The following ADAMTS17 variants were observed in gnomAD, a reference collection of about 807,000 sequenced individuals.
ADAMTS17 encodes the protein A disintegrin and metalloproteinase with thrombospondin motifs 17.
A neutral mutation model predicts 141.5 loss-of-function variants in ADAMTS17; 113 were observed. The observed-to-expected ratio is 0.80, with a 90% CI of 0.69 to 0.93. The LOEUF (loss-of-function observed/expected upper bound fraction) is 0.93. Ranked by LOEUF, ADAMTS17 falls within the 40% of genes least tolerant of loss-of-function variation. ADAMTS17 has a pLI of 0.00. For missense variants in ADAMTS17, 1,659 were observed against 1,517.9 expected, an observed-to-expected ratio of 1.09 and a Z score of -1.54; for synonymous variants, 768 against 630.6, an observed-to-expected ratio of 1.22 and a Z score of -3.27.
At chr15:100,222,710 G>A (rs7181677) in intron 7 of ADAMTS17, among the ~76,000 whole-genome samples, 2,702 of 152,320 alleles carry the variant, frequency 0.018, 91 homozygotes, top group African/African-American at 0.062. Context: ...TGCCTGGACA[G>A]AGGCCAAAAT....
At chr15:100,160,024 C>G (rs1450059618) in intron 8 of ADAMTS17, among the ~76,000 whole-genome samples, 1 of 151,132 alleles carries the variant, frequency 6.6e-6, no homozygotes, top group Admixed American at 6.6e-5. Context: ...CCTCAAATAC[C>G]CCACTCAGAA....
chr15:100,053,802 C>T, intron 16 of ADAMTS17, 95 bp downstream of exon 16: 4 of 1,591,110 alleles, frequency 2.5e-6, no homozygotes, highest in Non-Finnish European at 3.4e-6. Flanking sequence ...CATTTCCTGC[C>T]CCCGAGGTCC....
At position 100,247,497 on chromosome 15, in the gene ADAMTS17, C is replaced by T. The variant is rs368197388; in HGVS notation, c.1075+6639G>A. ...TGGCTCACTTGTGACGGAAATTCCC[C>T]AGAGGGCTCTACACACCAACCAGTG... On this transcript the variant is annotated intron_variant, in intron 7 of 21. Transcript: ENST00000268070. 6.6e-5 allele frequency among the ~76,000 whole-genome samples: 10 copies of T among 152,310 alleles called. No homozygotes were observed. The South Asian group carries it at 2.1e-3, about 32-fold the overall frequency.
chr15:100,326,227 TAAAG>T (rs940242426), intron 3 of ADAMTS17, among the ~76,000 whole-genome samples: 1 of 152,200 alleles, frequency 6.6e-6, no homozygotes, highest in Non-Finnish European at 1.5e-5. Context: ...AATATTAACT[TAAAG>T]AAACTCAAAG....
chr15:100,062,747 C>T (rs1476295493), intron 15 of ADAMTS17, among the ~76,000 whole-genome samples: 1 of 152,198 alleles, frequency 6.6e-6, no homozygotes, highest in Non-Finnish European at 1.5e-5. Flanking sequence ...TCAATCAGCA[C>T]TTTGCAACAC....
Position 100,113,851 on chromosome 15 carries a change from G to A in ADAMTS17, c.1888+2996C>T, listed in dbSNP as rs757552188. Among the ~76,000 whole-genome samples the A allele has an allele frequency of 4.6e-5, 7 of 152,332 alleles. No homozygotes were observed. The East Asian group carries it at 5.8e-4, about 13-fold the overall frequency. The stretch of plus-strand genomic sequence containing the variant: ...GGTTCTGCCGTGCCAGGCAGGAGGC[G>A]CTGGGAACGCACAGCCACGTCCAGA... On this transcript the variant is annotated intron_variant, in intron 13 of 21. Transcript: ENST00000268070.
intron 17 of ADAMTS17, among the ~76,000 whole-genome samples, chr15:100,051,142 T>C (rs921165400): frequency 3.9e-5 from 6 of 152,196 alleles, no homozygotes; most frequent in Admixed American, 3.3e-4. Context: ...TGCAGGACTT[T>C]TTCTTTCCAT....
intron 7 of ADAMTS17, among the ~76,000 whole-genome samples, chr15:100,232,911 C>A (rs2042532140): frequency 6.6e-6 from 1 of 152,182 alleles, no homozygotes; most frequent in African/African-American, 2.4e-5. Flanking sequence ...AGGAGGGACG[C>A]CGTGAATCTC....
At chr15:99,976,406 C>A in intron 20 of ADAMTS17, 184 bp from the exon 21 acceptor site, 1 of 789,610 alleles carries the variant, frequency 1.3e-6, no homozygotes, top group East Asian at 2.7e-5. Context: ...GGGGCCTACA[C>A]GAGGTCAGGG....
intron 8 of ADAMTS17, among the ~76,000 whole-genome samples, chr15:100,171,022 T>G (rs1380346832): frequency 6.6e-6 from 1 of 152,050 alleles, no homozygotes; most frequent in Non-Finnish European, 1.5e-5. Flanking sequence ...CTGCCCCCCT[T>G]AGGGGCAGCC....
At chr15:100,312,092 G>A (rs1025783099) in intron 3 of ADAMTS17, among the ~76,000 whole-genome samples, 2 of 152,188 alleles carry the variant, frequency 1.3e-5, no homozygotes, top group Non-Finnish European at 2.9e-5. Flanking sequence ...ACACCCCAAG[G>A]ATGTCCACAT....
chr15:100,220,071 T>C (rs2042085796), intron 7 of ADAMTS17, among the ~76,000 whole-genome samples: 1 of 152,154 alleles, frequency 6.6e-6, no homozygotes, highest in Non-Finnish European at 1.5e-5. Flanking sequence ...CATGGTACCT[T>C]CTGATGCATG....
intron 7 of ADAMTS17, among the ~76,000 whole-genome samples, chr15:100,245,837 C>A (rs528986821): frequency 6.6e-6 from 1 of 152,300 alleles, no homozygotes; most frequent in African/African-American, 2.4e-5. Flanking sequence ...ACACACACTG[C>A]ACACTTCCAT....
intron 3 of ADAMTS17, among the ~76,000 whole-genome samples, chr15:100,283,645 A>G (rs1010695485): frequency 6.6e-6 from 1 of 152,210 alleles, no homozygotes; most frequent in African/African-American, 2.4e-5. Flanking sequence ...ACCTTGTCGT[A>G]TATTTTTAAG....
At chr15:100,126,865 C>G (rs2037761707) in intron 12 of ADAMTS17, among the ~76,000 whole-genome samples, 1 of 152,122 alleles carries the variant, frequency 6.6e-6, no homozygotes, top group South Asian at 2.1e-4. Context: ...AGCTCAAAGG[C>G]CAGTGGGGAG....
chr15:100,178,771 T>G lies in ADAMTS17; in HGVS notation c.1181+20547A>C, dbSNP rs1356928449. 2.6e-5 allele frequency among the ~76,000 whole-genome samples: 4 copies of G among 152,220 alleles called. No homozygotes were observed. The South Asian group carries it at 6.2e-4, about 24-fold the overall frequency. On this transcript the variant is annotated intron_variant, in intron 8 of 21. Transcript: ENST00000268070. Reference sequence around the variant, plus strand: ...CAAATTCTATTAGATTTCCTTTTTCTGAGAATGTATTTTTTCTTCATTCCT... The same window carrying G: ...CAAATTCTATTAGATTTCCTTTTTCGGAGAATGTATTTTTTCTTCATTCCT...
intron 14 of ADAMTS17, among the ~76,000 whole-genome samples, chr15:100,102,823 G>C (rs887208641): frequency 4.6e-5 from 7 of 152,154 alleles, no homozygotes; most frequent in Non-Finnish European, 8.8e-5. Context: ...TTGACAGCCC[G>C]TCAAGCTCTG....
intron 18 of ADAMTS17, among the ~76,000 whole-genome samples, chr15:100,025,771 C>T (rs940749828): frequency 6.6e-6 from 1 of 152,114 alleles, no homozygotes; most frequent in African/African-American, 2.4e-5. Flanking sequence ...TTCCAATACA[C>T]TTGATCTCAA....
chr15:100,101,926 C>T (rs555753806), intron 14 of ADAMTS17, among the ~76,000 whole-genome samples: 3 of 152,314 alleles, frequency 2.0e-5, no homozygotes, highest in South Asian at 2.1e-4. Flanking sequence ...GTTGCGCAGC[C>T]GTGACTCCAG....
Sources: allele counts gnomAD v4.1 joint callset (sites outside exome capture counted in the v4.1 genomes callset), GRCh38; gene constraint gnomAD v4.1.1; transcripts MANE v1.5; gene names NCBI Gene and HGNC (gene_info 2026-07-23, HGNC 2026-07-21).